The following GLIPR1L2 variants were observed in gnomAD, a reference collection of about 807,000 sequenced individuals.
GLIPR1L2 encodes GLIPR1-like protein 2.
Under a neutral mutation model 28.4 loss-of-function variants are expected in GLIPR1L2, and 21 were observed. The ratio of observed to expected loss-of-function variants is 0.74; its 90% confidence interval spans 0.52 to 1.06. The LOEUF is 1.06. Ranked by LOEUF, GLIPR1L2 falls within the 50% of genes least tolerant of loss-of-function variation. GLIPR1L2 has a pLI of 0.00. For synonymous variants in GLIPR1L2, 145 were observed against 139.3 expected, an observed-to-expected ratio of 1.04 and a Z score of -0.29; for missense variants, 476 against 416.9, an observed-to-expected ratio of 1.14 and a Z score of -1.23.
intron 3 of GLIPR1L2, among the ~76,000 whole-genome samples, chr12:75,418,754 T>C (rs2045948702): frequency 1.3e-5 from 2 of 152,208 alleles, no homozygotes; most frequent in African/African-American, 4.8e-5. Flanking sequence ...ATTGAATCTA[T>C]AAATTGCTTT....
intron 3 of GLIPR1L2, among the ~76,000 whole-genome samples, chr12:75,422,647 G>A (rs565685634): frequency 2.0e-5 from 3 of 152,242 alleles, no homozygotes; most frequent in Non-Finnish European, 4.4e-5. Context: ...AAACTAAAAT[G>A]AAAGAAGCTT....
chr12:75,391,488 A>C (rs767387655), intron 1 of GLIPR1L2, 138 bp downstream of exon 1: 2 of 1,545,386 alleles, frequency 1.3e-6, no homozygotes, highest in Non-Finnish European at 1.7e-6. Context: ...TTTAAAGTAC[A>C]CGTGAAGTTT....
At chr12:75,391,604 G>A in intron 1 of GLIPR1L2, 1 of 1,227,966 alleles carries the variant, frequency 8.1e-7, no homozygotes, top group Non-Finnish European at 1.1e-6. Context: ...CAGATTTTAA[G>A]GGGGCGCCAA....
chr12:75,422,083 T>C (rs939209625), intron 3 of GLIPR1L2, among the ~76,000 whole-genome samples: 2 of 151,246 alleles, frequency 1.3e-5, no homozygotes, highest in Admixed American at 6.6e-5. Context: ...CTCAAACTCC[T>C]GGACTCAACT....
chr12:75,424,669 C>T (rs1042892761), intron 4 of GLIPR1L2, among the ~76,000 whole-genome samples: 2 of 151,602 alleles, frequency 1.3e-5, no homozygotes, highest in South Asian at 2.1e-4. Flanking sequence ...AGGCTGGTCT[C>T]AAACTCCTGG....
chr12:75,415,592 G>C (rs2045915492), intron 3 of GLIPR1L2, among the ~76,000 whole-genome samples: 1 of 152,100 alleles, frequency 6.6e-6, no homozygotes, highest in East Asian at 1.9e-4. Context: ...AAATCCAGAT[G>C]TTGACTAAGT....
At chr12:75,422,543 C>T (rs578222312) in intron 3 of GLIPR1L2, among the ~76,000 whole-genome samples, 2 of 152,194 alleles carry the variant, frequency 1.3e-5, no homozygotes, top group African/African-American at 4.8e-5. Flanking sequence ...ACATTGTGAT[C>T]TGCCTGCCTC....
chr12:75,430,561 T>A (rs1172541295), intron 4 of GLIPR1L2, among the ~76,000 whole-genome samples, 154 bp from the exon 5 acceptor site: 2 of 152,210 alleles, frequency 1.3e-5, no homozygotes, highest in African/African-American at 4.8e-5. Context: ...AGAGAATATA[T>A]TGTACTTTAA....
intron 1 of GLIPR1L2, 97 bp from the exon 2 acceptor site, chr12:75,410,337 A>G (rs1473172488): frequency 8.5e-7 from 1 of 1,171,934 alleles, no homozygotes; most frequent in African/African-American, 1.6e-5. Flanking sequence ...CAAAGTTAGA[A>G]TTGTTTCCTT....
intron 3 of GLIPR1L2, among the ~76,000 whole-genome samples, chr12:75,420,539 A>G (rs1207003176): frequency 6.6e-6 from 1 of 152,162 alleles, no homozygotes; most frequent in Non-Finnish European, 1.5e-5. Context: ...AAAGTTCTAG[A>G]AGACTATGTT....
intron 1 of GLIPR1L2, among the ~76,000 whole-genome samples, chr12:75,408,317 G>T (rs1210389727): frequency 2.0e-5 from 3 of 151,910 alleles, no homozygotes; most frequent in Non-Finnish European, 4.4e-5. Flanking sequence ...TTAGAGTTGG[G>T]AATTAGATTT....
At chr12:75,419,611 G>A (rs1190466096) in intron 3 of GLIPR1L2, among the ~76,000 whole-genome samples, 1 of 152,140 alleles carries the variant, frequency 6.6e-6, no homozygotes, top group African/African-American at 2.4e-5. Flanking sequence ...CTCTCAAGGA[G>A]GATTAGAGGA....
intron 3 of GLIPR1L2, among the ~76,000 whole-genome samples, chr12:75,418,585 GT>G (rs2045946343): frequency 1.3e-5 from 2 of 152,008 alleles, no homozygotes; most frequent in African/African-American, 4.8e-5. Flanking sequence ...CTGTCCCATT[GT>G]AGTAATAGTT....
chr12:75,398,196 G>A (rs376512628), intron 1 of GLIPR1L2, among the ~76,000 whole-genome samples: 1 of 151,766 alleles, frequency 6.6e-6, no homozygotes, highest in African/African-American at 2.4e-5. Context: ...GAGCGTTGTG[G>A]CAGGCGCCTG....
At chr12:75,429,889 A>T (rs553209277) in intron 4 of GLIPR1L2, among the ~76,000 whole-genome samples, 1 of 150,654 alleles carries the variant, frequency 6.6e-6, no homozygotes, top group Admixed American at 6.6e-5. Context: ...CTGCCCAGCT[A>T]TGCAGAACTA....
At chr12:75,425,547 A>G (rs4882624) in intron 4 of GLIPR1L2, among the ~76,000 whole-genome samples, 52,993 of 152,076 alleles carry the variant, frequency 0.35, 9,613 homozygotes, top group East Asian at 0.46. Flanking sequence ...GTGTCCCAGC[A>G]CAGGGCCAGC....
At chr12:75,392,277 T>C (rs986733083) in intron 1 of GLIPR1L2, among the ~76,000 whole-genome samples, 10 of 152,294 alleles carry the variant, frequency 6.6e-5, no homozygotes, top group African/African-American at 2.4e-4. Context: ...TGCTAAAGGG[T>C]AGTGCCAAAT....
At chr12:75,423,812 G>GC (rs937550330) in intron 4 of GLIPR1L2, 2 of 152,312 alleles carry the variant, frequency 1.3e-5, no homozygotes, top group Non-Finnish European at 2.9e-5. Context: ...GTGAGAACAT[G>GC]CAGTGTTTGG....
At chr12:75,412,789 A>G (rs1249508027) in intron 2 of GLIPR1L2, among the ~76,000 whole-genome samples, 1 of 152,064 alleles carries the variant, frequency 6.6e-6, no homozygotes, top group African/African-American at 2.4e-5. Context: ...CAGTGTGGCG[A>G]TTCCTCAGGG....
Sources: allele counts gnomAD v4.1 joint callset (sites outside exome capture counted in the v4.1 genomes callset), GRCh38; gene constraint gnomAD v4.1.1; transcripts MANE v1.5; gene names NCBI Gene and HGNC (gene_info 2026-07-23, HGNC 2026-07-21).